Variants in JAZF1 observed in about 807,000 individuals in gnomAD.
JAZF1 encodes JAZF zinc finger 1.
JAZF1 carries 8 observed loss-of-function variants against 26.4 expected under a neutral mutation model. That is an observed-to-expected ratio of 0.30 (90% CI 0.18 to 0.55). The LOEUF (loss-of-function observed/expected upper bound fraction) is 0.55. Among genes scored for constraint, JAZF1 ranks in the 20% least tolerant of loss-of-function variants. The probability of loss-of-function intolerance (pLI) is 0.94; values close to 1 mark genes in which losing one functional copy is unlikely to be tolerated. For missense variants in JAZF1, 199 were observed against 322.0 expected, an observed-to-expected ratio of 0.62 and a Z score of 2.92; for synonymous variants, 126 against 122.3, an observed-to-expected ratio of 1.03 and a Z score of -0.20.
At chr7:28,030,584 T>G (rs1174845723) in intron 1 of JAZF1, among the ~76,000 whole-genome samples, 1 of 152,202 alleles carries the variant, frequency 6.6e-6, no homozygotes, top group Non-Finnish European at 1.5e-5. Flanking sequence ...GTTGCAAAGA[T>G]CTTGTAAATT....
Position 27,847,151 on chromosome 7 carries a change from CTTTTT to C in JAZF1, c.386-6289_386-6285del, listed in dbSNP as rs80005826. Among the ~76,000 whole-genome samples the C allele has an allele frequency of 4.1e-4, 56 of 136,360 alleles. 1 individual carries two copies. Among genetic ancestry groups the C allele is most frequent in the Non-Finnish European group, 5.5e-4 (35 of 63,152 alleles). The allele number at this position is 136,360 out of a possible 152,430, so 89.5% of individuals were successfully genotyped here. ...TGCACCACCCCGCCTGGCTTTTTTT[CTTTTT>C]TTTTTTTTTTTTTAGTAGAGACGGG... On this transcript the variant is annotated intron_variant, in intron 3 of 4. Transcript: ENST00000283928.
At chr7:28,014,316 G>A (rs1782846273) in intron 1 of JAZF1, among the ~76,000 whole-genome samples, 1 of 152,214 alleles carries the variant, frequency 6.6e-6, no homozygotes, top group Admixed American at 6.5e-5. Context: ...CATTGTGACA[G>A]TAACACAAGC....
At chr7:27,968,884 C>A (rs945695251) in intron 2 of JAZF1, among the ~76,000 whole-genome samples, 46 of 152,128 alleles carry the variant, frequency 3.0e-4, no homozygotes, top group African/African-American at 1.1e-3. Flanking sequence ...AACTTCCCAG[C>A]TAATTTGCTC....
intron 1 of JAZF1, among the ~76,000 whole-genome samples, chr7:28,026,988 C>T (rs1201291398): frequency 1.3e-5 from 2 of 152,196 alleles, no homozygotes; most frequent in East Asian, 1.9e-4. Context: ...TTCCATTACC[C>T]GTGTTTAAAA....
chr7:27,931,080 C>A (rs1350432665), intron 2 of JAZF1, among the ~76,000 whole-genome samples: 1 of 152,184 alleles, frequency 6.6e-6, no homozygotes, highest in African/African-American at 2.4e-5. Flanking sequence ...GTAATTACAT[C>A]TTTGCCTTCC....
intron 1 of JAZF1, among the ~76,000 whole-genome samples, chr7:28,003,096 T>G (rs934322412): frequency 3.3e-5 from 5 of 152,130 alleles, no homozygotes; most frequent in African/African-American, 1.2e-4. Flanking sequence ...GGTTTTTCAA[T>G]TACATGAAGT....
intron 3 of JAZF1, among the ~76,000 whole-genome samples, chr7:27,881,580 T>C (rs1783772924): frequency 6.6e-6 from 1 of 152,102 alleles, no homozygotes; most frequent in African/African-American, 2.4e-5. Flanking sequence ...GGTGGAATAT[T>C]AGAAAGTAAC....
intron 2 of JAZF1, among the ~76,000 whole-genome samples, chr7:27,906,827 G>A (rs1178796859): frequency 6.6e-6 from 1 of 152,106 alleles, no homozygotes; most frequent in African/African-American, 2.4e-5. Flanking sequence ...CTTACACATG[G>A]TTTTCATTGC....
chr7:28,146,561 T>C (rs191674372), intron 1 of JAZF1, among the ~76,000 whole-genome samples: 6 of 152,326 alleles, frequency 3.9e-5, no homozygotes, highest in African/African-American at 1.4e-4. Context: ...AATCAAGTGT[T>C]TACTTGATGA....
At chr7:28,058,391 C>T (rs955931039) in intron 1 of JAZF1, among the ~76,000 whole-genome samples, 2 of 152,136 alleles carry the variant, frequency 1.3e-5, no homozygotes, top group Admixed American at 1.3e-4. Context: ...CCTGCCTGCA[C>T]CTGCCTCTAT....
chr7:28,067,916 CGTTT>C (rs1418469923), intron 1 of JAZF1, among the ~76,000 whole-genome samples: 1 of 151,958 alleles, frequency 6.6e-6, no homozygotes, highest in Non-Finnish European at 1.5e-5. Context: ...TAGTTTTTTT[CGTTT>C]GTTTGTTTTT....
chr7:28,018,101 G>A (rs1782928913), intron 1 of JAZF1, among the ~76,000 whole-genome samples: 1 of 152,206 alleles, frequency 6.6e-6, no homozygotes, highest in African/African-American at 2.4e-5. Flanking sequence ...GCAACACGGA[G>A]GATAGGAAAA....
At chr7:28,085,468 T>C (rs984107018) in intron 1 of JAZF1, among the ~76,000 whole-genome samples, 4 of 152,198 alleles carry the variant, frequency 2.6e-5, no homozygotes, top group Non-Finnish European at 5.9e-5. Flanking sequence ...GCAGCTTAGG[T>C]CTTCATAAAC....
intron 2 of JAZF1, among the ~76,000 whole-genome samples, chr7:27,958,687 TC>T (rs1289833065): frequency 6.6e-6 from 1 of 152,192 alleles, no homozygotes; most frequent in South Asian, 2.1e-4. Flanking sequence ...GACTTACGTT[TC>T]CTCACCATAA....
intron 2 of JAZF1, among the ~76,000 whole-genome samples, chr7:27,937,681 T>C (rs1784779777): frequency 1.3e-5 from 2 of 152,178 alleles, no homozygotes; most frequent in African/African-American, 4.8e-5. Context: ...GATGGATGTA[T>C]AACAACAGAA....
intron 1 of JAZF1, among the ~76,000 whole-genome samples, chr7:28,167,548 T>C (rs1783389080): frequency 6.6e-6 from 1 of 152,224 alleles, no homozygotes. Flanking sequence ...CACTCAAGAC[T>C]TAAAATTTTC....
chr7:28,174,821 G>GGTGTGGGTGTGTGT (rs1783524704), intron 1 of JAZF1, among the ~76,000 whole-genome samples: 1 of 107,690 alleles, frequency 9.3e-6, no homozygotes, highest in Non-Finnish European at 2.3e-5. Context: ...GGGGTGTGTG[G>GGTGTGGGTGTGTGT]GTGTGTGTGT....
chr7:28,105,738 T>C (rs1784541252), intron 1 of JAZF1, among the ~76,000 whole-genome samples: 1 of 152,210 alleles, frequency 6.6e-6, no homozygotes, highest in African/African-American at 2.4e-5. Context: ...TCTCATTGCA[T>C]TGAGTCTGTG....
At chr7:27,834,874 T>TTG (rs1177588754) in intron 4 of JAZF1, among the ~76,000 whole-genome samples, 1 of 152,166 alleles carries the variant, frequency 6.6e-6, no homozygotes, top group Non-Finnish European at 1.5e-5. Context: ...AAGCCATGTA[T>TTG]TGTGTGTGTG....
Sources: gnomAD v4.1 joint callset for allele counts (sites outside exome capture counted in the v4.1 genomes callset) on GRCh38, gnomAD v4.1.1 for gene constraint, MANE v1.5 for transcripts, NCBI Gene and HGNC (gene_info 2026-07-23, HGNC 2026-07-21) for gene names.